Variants in ZFAND2A observed in about 807,000 individuals in gnomAD.
The protein encoded by ZFAND2A is zinc finger AN1-type containing 2A, also known as AN1-type zinc finger protein 2A.
A neutral mutation model predicts 11.6 loss-of-function variants in ZFAND2A; 20 were observed. The observed-to-expected ratio is 1.72, with a 90% CI of 1.21 to 2.50. The LOEUF is 2.50. Ranked by LOEUF, ZFAND2A falls within the 30% of genes most tolerant of loss-of-function variation. ZFAND2A has a pLI of 0.00. For synonymous variants in ZFAND2A, 93 were observed against 60.6 expected (o/e 1.54, Z -2.48); for missense variants, 234 against 182.9 (o/e 1.28, Z -1.61).
chr7:1,155,450 T>C lies in ZFAND2A; in HGVS notation c.282+3A>G. 1 of 1,612,790 alleles carries C rather than the reference T, an allele frequency of 6.2e-7. No individual in the cohort carries two copies. Among genetic ancestry groups the C allele is most frequent in the Non-Finnish European group, 8.5e-7 (1 of 1,179,420 alleles). ...AAGGAACTGAGGCGGGCTCTGTCCT[T>C]ACCTTCTCTTTCTTCTTCCCAGGGT... On this transcript the variant is annotated splice_donor_region_variant and intron_variant, in intron 4 of 4. Coordinates refer to ENST00000316495, the MANE Select transcript of ZFAND2A (RefSeq NM_182491.4).
intron 2 of ZFAND2A, 23 bp downstream of exon 2, chr7:1,158,132 CTAT>C (rs755542538): frequency 7.5e-6 from 12 of 1,608,830 alleles, no homozygotes; most frequent in Non-Finnish European, 1.0e-5. Flanking sequence ...ATACCATTTT[CTAT>C]TAAGTCTCTT....
chr7:1,152,065 T>G (rs1584022574), downstream of ZFAND2A: 1 of 644,804 alleles, frequency 1.6e-6, no homozygotes, highest in South Asian at 3.5e-5. Flanking sequence ...TGCCGAAAGG[T>G]TGTGCTGGAG....
chr7:1,158,031 G>A lies in ZFAND2A; in HGVS notation c.55+127C>T, dbSNP rs1793573156. 26 of 984,958 alleles carry A rather than the reference G, an allele frequency of 2.6e-5. No homozygotes were observed. In the South Asian group the frequency reaches 3.8e-4, roughly 14 times the overall value. 61.0% of individuals were successfully genotyped at this position (984,958 alleles called of 1,614,324 possible). A position where few individuals can be genotyped will look rare whatever the true frequency, so the allele number is the denominator to read the frequency against. On this transcript the variant is annotated intron_variant, in intron 2 of 4. Transcript: ENST00000316495. ...GGATGCTAAGTGTCAAACAGAACCT[G>A]CACCAGCACAGTTCCCAATACTGAG...
In ZFAND2A at chr7:1,157,718, G is replaced by C. The variant is rs531717499; in HGVS notation, c.88C>G (p.Gln30Glu). 4.5e-6 allele frequency: 7 copies of C among 1,560,196 alleles called. No homozygotes were observed. In the African/African-American group the frequency reaches 6.9e-5, roughly 15 times the overall value. ...FLPVKCDACK[Q>E]DFCKDHFPYA... ...GGAAAATGATCTTTACAGAAATCTT[G>C]TTTACATGCATCACATTTTACTGGA... The change falls in exon 3 of 5, where the codon CAA becomes GAA. Residue 30 changes from glutamine (Q) to glutamate (E), a missense_variant. Physicochemically the swap from Gln to Glu is conservative, Grantham distance 29. Transcript: ENST00000316495.
Position 1,152,936 on chromosome 7 carries a change from C to T in ZFAND2A, c.*133G>A. The stretch of plus-strand genomic sequence containing the variant: ...CTTCAGCATTCAATTTTATTATAGT[C>T]CCATCTCCCTCAACAAACAAGATCA... On this transcript the variant is annotated 3_prime_UTR_variant, in exon 5 of 5. Coordinates refer to ENST00000316495, the MANE Select transcript of ZFAND2A (RefSeq NM_182491.4). The T allele has an allele frequency of 1.6e-6, 2 of 1,234,062 alleles. No individual in the cohort carries two copies. The highest frequency in any genetic ancestry group is 2.3e-6 in the Non-Finnish European group (2 of 857,694). The allele number at this position is 1,234,062 out of a possible 1,614,324, so 76.4% of individuals were successfully genotyped here. A position where few individuals can be genotyped will look rare whatever the true frequency, so the allele number is the denominator to read the frequency against.
chr7:1,153,386 G>A, intron 4 of ZFAND2A, 162 bp from the exon 5 acceptor site: 1 of 703,332 alleles, frequency 1.4e-6, no homozygotes, highest in Non-Finnish European at 2.3e-6. Flanking sequence ...TGGTACTACA[G>A]GCACACACCG....
intron 3 of ZFAND2A, 195 bp from the exon 4 acceptor site, chr7:1,155,779 C>T: frequency 3.5e-6 from 2 of 567,346 alleles, no homozygotes; most frequent in Non-Finnish European, 5.7e-6. Context: ...GCATCAGCTG[C>T]CCTGAGGAGT....
At chr7:1,151,841 T>G (rs1280737171), downstream of ZFAND2A, among the ~76,000 whole-genome samples, 2 of 150,080 alleles carry the variant, frequency 1.3e-5, no homozygotes, top group Non-Finnish European at 3.0e-5. Flanking sequence ...GCTGGGCCAT[T>G]AGAAGTATGG....
At chr7:1,152,564 C>G (rs930343428), downstream of ZFAND2A, among the ~76,000 whole-genome samples, 1 of 152,222 alleles carries the variant, frequency 6.6e-6, no homozygotes, top group African/African-American at 2.4e-5. Flanking sequence ...GAGCCCTAGA[C>G]TCGGGACCTC....
chr7:1,154,926 C>T (rs911446632), intron 4 of ZFAND2A, among the ~76,000 whole-genome samples: 1 of 151,936 alleles, frequency 6.6e-6, no homozygotes, highest in Non-Finnish European at 1.5e-5. Flanking sequence ...AAGACCAGCC[C>T]GGCCAACATA....
In ZFAND2A at chr7:1,153,091, C is replaced by G. The variant is rs1048947946; in HGVS notation, c.416G>C (p.Arg139Pro). 1 of 1,614,112 alleles carries G rather than the reference C, an allele frequency of 6.2e-7. No individual in the cohort carries two copies. The highest frequency in any genetic ancestry group is 1.1e-5 in the South Asian group (1 of 91,082). Residue 139 changes from arginine to proline, a missense_variant, in exon 5 of 5, where the codon CGC (arginine) becomes CCC (proline). By Grantham distance (103) the Arg-to-Pro change is moderately radical. Coordinates refer to ENST00000316495, the MANE Select transcript of ZFAND2A (RefSeq NM_182491.4). ...PLDHSCRHGS[R>P]PTIKAG is the part of the protein sequence containing the mutation. ...TTCTCACCCAGCTTTGATGGTGGGG[C>G]GACTCCCGTGTCTGCAGCTGTGGTC...
At chr7:1,156,593 G>T (rs1028131820) in intron 3 of ZFAND2A, among the ~76,000 whole-genome samples, 12 of 151,920 alleles carry the variant, frequency 7.9e-5, no homozygotes, top group Admixed American at 7.2e-4. Flanking sequence ...GGCTCCGAAG[G>T]GGTGGACCGC....
intron 4 of ZFAND2A, 161 bp from the exon 5 acceptor site, chr7:1,153,385 A>G: frequency 1.4e-6 from 1 of 713,662 alleles, no homozygotes; most frequent in South Asian, 1.9e-5. Flanking sequence ...CTGGTACTAC[A>G]GGCACACACC....
At chr7:1,151,204 A>G (rs1016736977), downstream of ZFAND2A, among the ~76,000 whole-genome samples, 1 of 151,382 alleles carries the variant, frequency 6.6e-6, no homozygotes, top group Admixed American at 6.6e-5. Context: ...TGCCTGTTTT[A>G]AGAAGTTGAC....
downstream of ZFAND2A, among the ~76,000 whole-genome samples, chr7:1,150,710 C>T (rs1173156592): frequency 3.3e-5 from 5 of 152,142 alleles, no homozygotes; most frequent in African/African-American, 1.2e-4. Context: ...ATCTCTGGCA[C>T]TTGTGGAAGC....
downstream of ZFAND2A, among the ~76,000 whole-genome samples, chr7:1,151,130 C>T (rs946284558): frequency 6.6e-6 from 1 of 152,138 alleles, no homozygotes; most frequent in African/African-American, 2.4e-5. Flanking sequence ...TCAGGTGATC[C>T]GCCTGCCTCC....
chr7:1,157,440 G>T, intron 3 of ZFAND2A: 1 of 435,340 alleles, frequency 2.3e-6, no homozygotes, highest in Non-Finnish European at 4.1e-6. Context: ...TCAGTTGTCT[G>T]AGAGTCATCC....
downstream of ZFAND2A, among the ~76,000 whole-genome samples, chr7:1,152,525 G>A (rs1469361196): frequency 6.6e-6 from 1 of 152,206 alleles, no homozygotes; most frequent in Non-Finnish European, 1.5e-5. Flanking sequence ...AGCATTACGA[G>A]TTGAATCATG....
chr7:1,158,293 G>A, intron 1 of ZFAND2A, 36 bp from the exon 2 acceptor site: 1 of 1,326,716 alleles, frequency 7.5e-7, no homozygotes, highest in Non-Finnish European at 1.1e-6. Context: ...AGGAAAGCTG[G>A]ACTGCCCTTC....
Sources: allele counts gnomAD v4.1 joint callset (sites outside exome capture counted in the v4.1 genomes callset), GRCh38; gene constraint gnomAD v4.1.1; transcripts MANE v1.5; gene names NCBI Gene and HGNC (gene_info 2026-07-23, HGNC 2026-07-21).